Variants in SH2D4A observed in about 807,000 individuals in gnomAD.
SH2D4A encodes the protein SH2 domain-containing protein 4A.
SH2D4A carries 70 observed loss-of-function variants against 64.7 expected under a neutral mutation model. The ratio of observed to expected loss-of-function variants is 1.08; its 90% CI spans 0.89 to 1.32. The LOEUF (loss-of-function observed/expected upper bound fraction) is 1.32. Among genes scored for constraint, SH2D4A ranks in the 40% most tolerant of loss-of-function variants. SH2D4A has a pLI of 0.00. For missense variants in SH2D4A, 706 were observed against 540.1 expected (o/e 1.31, Z -3.04); for synonymous variants, 268 against 200.7 (o/e 1.34, Z -2.83).
intron 6 of SH2D4A, 179 bp from the exon 7 acceptor site, chr8:19,363,893 G>C (rs941716903): frequency 1.6e-6 from 1 of 621,500 alleles, no homozygotes; most frequent in Non-Finnish European, 2.8e-6. Context: ...ATCCTGCAGC[G>C]AACGCTGGGC....
chr8:19,366,930 T>C (rs1253847083), intron 7 of SH2D4A, among the ~76,000 whole-genome samples: 2 of 152,234 alleles, frequency 1.3e-5, no homozygotes, highest in Non-Finnish European at 2.9e-5. Context: ...AGGACATTAT[T>C]CTTTTTATGG....
intron 2 of SH2D4A, among the ~76,000 whole-genome samples, chr8:19,322,453 C>G (rs546632593): frequency 3.3e-5 from 5 of 152,002 alleles, no homozygotes; most frequent in Admixed American, 3.3e-4. Context: ...CATAGGCCAC[C>G]CCTGCCATTC....
chr8:19,315,776 T>TC (rs2052077971), intron 1 of SH2D4A, among the ~76,000 whole-genome samples: 1 of 152,352 alleles, frequency 6.6e-6, no homozygotes, highest in South Asian at 2.1e-4. Context: ...CAGCAATGAT[T>TC]ACTTCCTTGT....
At chr8:19,321,040 T>G (rs1375854524) in intron 2 of SH2D4A, among the ~76,000 whole-genome samples, 1 of 152,184 alleles carries the variant, frequency 6.6e-6, no homozygotes, top group Non-Finnish European at 1.5e-5. Flanking sequence ...AACAGAAATA[T>G]GTCATTTCCT....
chr8:19,339,796 C>A (rs984462977), intron 4 of SH2D4A, among the ~76,000 whole-genome samples: 1 of 152,112 alleles, frequency 6.6e-6, no homozygotes, highest in Admixed American at 6.6e-5. Context: ...CCACTGTGCC[C>A]AGCCCCTATA....
chr8:19,322,325 G>A lies in SH2D4A; in HGVS notation c.181+2597G>A, dbSNP rs1042154306. On this transcript the variant is annotated intron_variant, in intron 2 of 9. Transcript: ENST00000265807. ...TCGTGCATCTGATCCCTGAAGGCTT[G>A]TGCTCCCTGCCTCCCCTTCTCCCGC... 3.9e-5 allele frequency among the ~76,000 whole-genome samples: 6 copies of A among 152,122 alleles called. 1 individual carries two copies. The highest frequency in any genetic ancestry group is 3.3e-4 in the Admixed American group (5 of 15,276).
chr8:19,334,073 C>A (rs748959878), intron 3 of SH2D4A, among the ~76,000 whole-genome samples: 1 of 152,098 alleles, frequency 6.6e-6, no homozygotes, highest in Non-Finnish European at 1.5e-5. Context: ...CAGGTGATGG[C>A]GCTCCTCTGC....
chr8:19,343,434 A>G (rs1037967480), intron 4 of SH2D4A, among the ~76,000 whole-genome samples: 38 of 152,136 alleles, frequency 2.5e-4, no homozygotes, highest in African/African-American at 8.9e-4. Context: ...CTCTGTCTCC[A>G]ACAAACAAAA....
rs111911754 is a variant in SH2D4A, at chr8:19,366,384, T to A, written c.917+2102T>A. On this transcript the variant is annotated intron_variant, in intron 7 of 9. Coordinates refer to ENST00000265807, the MANE Select transcript of SH2D4A (RefSeq NM_022071.4). ...TGACTGTGGTTACCGTGCTGTGCAGTAGAGCAGCAGAACTTATTTCTGCTG... is the reference window on the plus strand; with the variant it reads ...TGACTGTGGTTACCGTGCTGTGCAGAAGAGCAGCAGAACTTATTTCTGCTG... Among the ~76,000 whole-genome samples the A allele has an allele frequency of 9.9e-3, 1,511 of 152,276 alleles. 9 individuals carry two copies. Among genetic ancestry groups the A allele is most frequent in the Middle Eastern group, 0.048 (14 of 294 alleles).
At chr8:19,324,669 C>T (rs2052248214) in intron 2 of SH2D4A, among the ~76,000 whole-genome samples, 1 of 152,174 alleles carries the variant, frequency 6.6e-6, no homozygotes, top group Non-Finnish European at 1.5e-5. Context: ...TCTTGAATAT[C>T]TGTATTCCCC....
intron 4 of SH2D4A, among the ~76,000 whole-genome samples, chr8:19,337,320 A>C (rs2052459626): frequency 6.6e-6 from 1 of 152,154 alleles, no homozygotes; most frequent in South Asian, 2.1e-4. Context: ...TCGATGGTAC[A>C]TTTATATTTT....
At chr8:19,369,010 A>G (rs1412726289) in intron 7 of SH2D4A, among the ~76,000 whole-genome samples, 1 of 152,086 alleles carries the variant, frequency 6.6e-6, no homozygotes, top group Non-Finnish European at 1.5e-5. Flanking sequence ...TTCCTTCTGT[A>G]CTTAATGTGT....
At chr8:19,386,011 C>A (rs770854784) in intron 8 of SH2D4A, among the ~76,000 whole-genome samples, 1 of 152,194 alleles carries the variant, frequency 6.6e-6, no homozygotes, top group Non-Finnish European at 1.5e-5. Flanking sequence ...ATATATCCTG[C>A]CTCATTTACA....
chr8:19,361,549 AATAGCATGATAT>A (rs150353968), intron 6 of SH2D4A, among the ~76,000 whole-genome samples: 1,943 of 152,316 alleles, frequency 0.013, 44 homozygotes, highest in African/African-American at 0.044. Context: ...TAATTTATCA[AATAGCATGATAT>A]ATAGCTATGG....
chr8:19,362,318 C>T (rs1247393077), intron 6 of SH2D4A, among the ~76,000 whole-genome samples: 2 of 152,202 alleles, frequency 1.3e-5, no homozygotes, highest in South Asian at 4.1e-4. Context: ...CCAATACTGC[C>T]TGAAGTGTAA....
chr8:19,363,751 G>A (rs1438203312), intron 6 of SH2D4A: 2 of 365,028 alleles, frequency 5.5e-6, no homozygotes, highest in African/African-American at 2.1e-5. Flanking sequence ...ATGCTCAGGC[G>A]GGGGATCCTC....
Position 19,393,484 on chromosome 8 carries a change from C to T in SH2D4A, c.1215C>T (p.Phe405=), listed in dbSNP as rs774396313. Residue 405 remains phenylalanine (F), a synonymous_variant, in exon 9 of 10, where the codon TTC becomes TTT. Transcript: ENST00000265807. ...ATGCCTCTGCAGACGCCTACAGCTT[C>T]CTGGGCGTGGACCAGCTACAGCATG... ...LIDASADAYS[F]LGVDQLQHAT... 2.0e-5 allele frequency: 32 copies of T among 1,614,118 alleles called. No homozygotes were observed. Among genetic ancestry groups the T allele is most frequent in the South Asian group, 1.5e-4 (14 of 91,090 alleles).
At chr8:19,341,475 T>C (rs914106923) in intron 4 of SH2D4A, among the ~76,000 whole-genome samples, 2 of 152,154 alleles carry the variant, frequency 1.3e-5, no homozygotes, top group Non-Finnish European at 2.9e-5. Flanking sequence ...ATAAACAATA[T>C]TCAAGGGAAA....
At position 19,332,870 on chromosome 8, in the gene SH2D4A, C is replaced by T. The variant is rs577586973; in HGVS notation, c.182-85C>T. The T allele has an allele frequency of 5.1e-6, 7 of 1,378,516 alleles. No individual in the cohort carries two copies. In the East Asian group the frequency reaches 1.6e-4, roughly 32 times the overall value. 85.4% of individuals were successfully genotyped at this position (1,378,516 alleles called of 1,614,324 possible). A position where few individuals can be genotyped will look rare whatever the true frequency, so the allele number is the denominator to read the frequency against. ...ATATATATATATATTTTCAAAGACC[C>T]AAAATACTTTAGTGATGGAAACAGT... On this transcript the variant is annotated intron_variant, in intron 2 of 9. Transcript: ENST00000265807.
Sources: allele counts gnomAD v4.1 joint callset (sites outside exome capture counted in the v4.1 genomes callset), GRCh38; gene constraint gnomAD v4.1.1; transcripts MANE v1.5; gene names NCBI Gene and HGNC (gene_info 2026-07-23, HGNC 2026-07-21).